The following ANGPTL5 variants were observed in gnomAD, a reference collection of about 807,000 sequenced individuals.
ANGPTL5 encodes the protein angiopoietin-related protein 5.
Under a neutral mutation model 39.4 loss-of-function variants are expected in ANGPTL5, and 34 were observed. That is an observed-to-expected ratio of 0.86 (90% CI 0.66 to 1.15). The LOEUF is 1.15. Ranked by LOEUF, ANGPTL5 falls within the 50% of genes most tolerant of loss-of-function variation. ANGPTL5 has a pLI of 0.00. For missense variants in ANGPTL5, 467 were observed against 457.5 expected, an observed-to-expected ratio of 1.02 and a Z score of -0.19; for synonymous variants, 146 against 152.1, an observed-to-expected ratio of 0.96 and a Z score of 0.29.
chr11:101,911,163 A>G (rs1343117850), intron 1 of ANGPTL5, among the ~76,000 whole-genome samples: 2 of 111,716 alleles, frequency 1.8e-5, no homozygotes, highest in Admixed American at 2.7e-4. Context: ...TTGCTCTGTC[A>G]CCCAGGCTGG....
chr11:101,908,035 C>T, intron 1 of ANGPTL5, 34 bp from the exon 2 acceptor site: 1 of 701,100 alleles, frequency 1.4e-6, no homozygotes. Context: ...TAAGCCAAAA[C>T]TTACTAGTTT....
At chr11:101,908,780 CAAAA>C (rs59041644) in intron 1 of ANGPTL5, among the ~76,000 whole-genome samples, 1 of 64,952 alleles carries the variant, frequency 1.5e-5, no homozygotes, top group African/African-American at 4.9e-5. Flanking sequence ...GACTCCATCT[CAAAA>C]AAAAAAAAAA....
At chr11:101,895,984 C>G (rs748139057) in intron 7 of ANGPTL5, among the ~76,000 whole-genome samples, 2 of 152,036 alleles carry the variant, frequency 1.3e-5, no homozygotes, top group Non-Finnish European at 2.9e-5. Flanking sequence ...TTTAGCAACA[C>G]GCTCACTTAC....
At chr11:101,904,748 C>A (rs1371646676) in intron 5 of ANGPTL5, 66 bp downstream of exon 5, 2 of 1,384,402 alleles carry the variant, frequency 1.4e-6, no homozygotes, top group South Asian at 1.2e-5. Context: ...AATGGATCGA[C>A]CTGTCCAGGA....
At chr11:101,906,102 ATC>A (rs932253869) in intron 3 of ANGPTL5, among the ~76,000 whole-genome samples, 1 of 152,140 alleles carries the variant, frequency 6.6e-6, no homozygotes, top group African/African-American at 2.4e-5. Context: ...AGAATAATTA[ATC>A]TGTTATCATT....
chr11:101,911,279 A>G (rs943729184), intron 1 of ANGPTL5, among the ~76,000 whole-genome samples: 5 of 151,252 alleles, frequency 3.3e-5, no homozygotes, highest in Admixed American at 3.3e-4. Flanking sequence ...GCTTGCCACC[A>G]CGCCCAGTTA....
chr11:101,915,750 T>C (rs1010477733), intron 1 of ANGPTL5, among the ~76,000 whole-genome samples: 8 of 152,240 alleles, frequency 5.3e-5, no homozygotes, highest in African/African-American at 1.9e-4. Context: ...TACTTCCTGA[T>C]TTATCGTACT....
In ANGPTL5 at chr11:101,892,575, C is replaced by A. The variant is rs147274053; in HGVS notation, c.848-977G>T. 4.3e-3 allele frequency among the ~76,000 whole-genome samples: 659 copies of A among 152,262 alleles called. 5 individuals are homozygous for A. The highest frequency in any genetic ancestry group is 0.015 in the African/African-American group (631 of 41,556). On this transcript the variant is annotated intron_variant, in intron 8 of 8. Transcript: ENST00000334289. ...ATCCCTCGTATTTACAATAACCCTGCAATGATTAAGTATCTTGTCCAAGAT... is the reference window on the plus strand; with the variant it reads ...ATCCCTCGTATTTACAATAACCCTGAAATGATTAAGTATCTTGTCCAAGAT...
chr11:101,893,241 T>A (rs1218329623), intron 8 of ANGPTL5, among the ~76,000 whole-genome samples: 4 of 152,248 alleles, frequency 2.6e-5, no homozygotes, highest in Admixed American at 6.5e-5. Flanking sequence ...AACACTTTTC[T>A]TTTCCCTAAG....
intron 1 of ANGPTL5, among the ~76,000 whole-genome samples, chr11:101,913,373 C>T (rs1050059259): frequency 2.6e-5 from 4 of 152,190 alleles, no homozygotes; most frequent in Non-Finnish European, 4.4e-5. Flanking sequence ...ATATTCATAG[C>T]TCCTCCTATA....
intron 6 of ANGPTL5, among the ~76,000 whole-genome samples, chr11:101,901,622 G>C (rs1327842084): frequency 6.6e-6 from 1 of 152,178 alleles, no homozygotes; most frequent in Admixed American, 6.5e-5. Flanking sequence ...TCCCACAAAA[G>C]AGGTGATTAT....
intron 1 of ANGPTL5, among the ~76,000 whole-genome samples, chr11:101,910,643 T>C (rs1940076519): frequency 6.6e-6 from 1 of 152,078 alleles, no homozygotes; most frequent in Non-Finnish European, 1.5e-5. Flanking sequence ...CCCATCTTAG[T>C]AATGGCAACA....
rs772940133 is a variant in ANGPTL5 at position 101,891,408 on chromosome 11, A to T, written c.1038T>A (p.Ile346=). The T allele has an allele frequency of 2.5e-6, 4 of 1,614,074 alleles. No homozygotes were observed. In the South Asian group the frequency reaches 4.4e-5, roughly 18 times the overall value. ...CAAGCAATTTTCCAGAGAAGTGATG[A>T]ATGCCATTTAGATTTGCTAGACCAC... is the stretch of plus-strand genomic sequence containing the variant. ...NECGLANLNG[I]HHFSGKLLAT... Residue 346 remains isoleucine (I), a synonymous_variant, in exon 9 of 9, where the codon ATT becomes ATA. Transcript: ENST00000334289.
chr11:101,891,279 T>G lies in ANGPTL5; in HGVS notation c.1167A>C (p.Ter389TyrextTer6). 6.3e-7 allele frequency: 1 copy of G among 1,598,320 alleles called. No homozygotes were observed. The highest frequency in any genetic ancestry group is 1.3e-5 in the African/African-American group (1 of 74,630). ...ACTTGCATTACAATGTTAAATGAGA[T>G]TATTTAAAATATGGATTGTACATTC... ...IRRMYNPYFK[*>Y] Residue 389 changes from the stop codon to tyrosine, a stop_lost, in exon 9 of 9, where the codon TAA (stop) becomes TAC (tyrosine). Transcript: ENST00000334289.
chr11:101,910,910 A>G (rs1222696892), intron 1 of ANGPTL5, among the ~76,000 whole-genome samples: 2 of 151,998 alleles, frequency 1.3e-5, no homozygotes, highest in African/African-American at 4.8e-5. Context: ...AAGGTTCAAT[A>G]AAATTGTGTT....
In ANGPTL5 at chr11:101,907,162, C is replaced by A. The variant is rs1940011093; in HGVS notation, c.182G>T (p.Cys61Phe). ...KSNDTVCKED[C>F]EESCDVKTKI... ...AGTTTTAACATCACATGATTCCTCA[C>A]AGTCTTCCTTACAAACAGTATCATT... Residue 61 changes from cysteine (C) to phenylalanine (F), a missense_variant, in exon 3 of 9, where the codon TGT (cysteine) becomes TTT (phenylalanine). Coordinates refer to ENST00000334289, the MANE Select transcript of ANGPTL5 (RefSeq NM_178127.5). 1 of 1,593,424 alleles carries A rather than the reference C, an allele frequency of 6.3e-7. No individual in the cohort carries two copies. The highest frequency in any genetic ancestry group is 1.1e-5 in the South Asian group (1 of 89,858).
Position 101,908,615 on chromosome 11 carries a change from C to T in ANGPTL5, c.-92-614G>A, listed in dbSNP as rs529562604. ...TCAACATGGCGAAACCTCGTCTCTA[C>T]TAAAAAATACAAAAATTAGCCGGGC... On this transcript the variant is annotated intron_variant, in intron 1 of 8. Transcript: ENST00000334289. Among the ~76,000 whole-genome samples, 20 of 151,934 alleles carry T rather than the reference C, an allele frequency of 1.3e-4. No homozygotes were observed. In the South Asian group the frequency reaches 2.9e-3, roughly 22 times the overall value.
intron 1 of ANGPTL5, among the ~76,000 whole-genome samples, chr11:101,914,421 A>G (rs1319796438): frequency 6.6e-6 from 1 of 152,210 alleles, no homozygotes; most frequent in Non-Finnish European, 1.5e-5. Context: ...AGAGATTGCT[A>G]GTTTTGCTGT....
At chr11:101,894,746 T>C in intron 8 of ANGPTL5, 133 bp downstream of exon 8, 1 of 916,356 alleles carries the variant, frequency 1.1e-6, no homozygotes, top group East Asian at 2.6e-5. Flanking sequence ...TTGGCCAGCT[T>C]TCTTATTCCT....
Sources: allele counts gnomAD v4.1 joint callset (sites outside exome capture counted in the v4.1 genomes callset), GRCh38; gene constraint gnomAD v4.1.1; transcripts MANE v1.5; gene names NCBI Gene and HGNC (gene_info 2026-07-23, HGNC 2026-07-21).